MTF1: variants seen among roughly 807,000 people sequenced by gnomAD.
MTF1 encodes the protein MRE-binding transcription factor.
Under a neutral mutation model 70.4 loss-of-function variants are expected in MTF1, and 22 were observed. The ratio of observed to expected loss-of-function variants is 0.31; its 90% CI spans 0.22 to 0.45. The LOEUF (loss-of-function observed/expected upper bound fraction) is 0.45, where lower values mean the gene tolerates loss of function less well. MTF1 is among the 20% of genes least tolerant of loss of function. The pLI, the probability that MTF1 is intolerant of heterozygous loss-of-function variation, is 1.00. For synonymous variants in MTF1, 333 were observed against 352.8 expected (o/e 0.94, Z 0.63); for missense variants, 649 against 922.0 (o/e 0.70, Z 3.83).
At chr1:37,844,340 TTCTGAGTCCTTC>T (rs1641301425) in intron 2 of MTF1, among the ~76,000 whole-genome samples, 1 of 152,230 alleles carries the variant, frequency 6.6e-6, no homozygotes, top group African/African-American at 2.4e-5. Flanking sequence ...TTCTCCGCTT[TTCTGAGTCCTTC>T]TCTTCCTTTA....
rs768162494 is a variant in MTF1 at position 37,839,869 on chromosome 1, CACA to C, written c.647+48_647+50del. ...CTGCAAGGGGAAAGAGCTCTGCCAT[CACA>C]ACAAGGTCAAGGTCAGAGGCTGGCA... is the stretch of plus-strand genomic sequence containing the variant. On this transcript the variant is annotated intron_variant, in intron 3 of 10. Transcript: ENST00000373036. 5.5e-6 allele frequency: 8 copies of C among 1,457,696 alleles called. No individual in the cohort carries two copies. The East Asian group carries it at 6.8e-5, about 12-fold the overall frequency. 90.3% of individuals were successfully genotyped at this position (1,457,696 alleles called of 1,614,324 possible).
At chr1:37,822,962 T>G (rs1218468988) in intron 8 of MTF1, among the ~76,000 whole-genome samples, 3 of 152,238 alleles carry the variant, frequency 2.0e-5, no homozygotes. Context: ...AAAAAGTGTC[T>G]TAAGGCTTTT....
chr1:37,856,451 G>GTGTTAGGATTACAGGCATGAGCCAC (rs1329945532), intron 2 of MTF1, among the ~76,000 whole-genome samples: 2 of 143,224 alleles, frequency 1.4e-5, no homozygotes, highest in Non-Finnish European at 3.0e-5. Context: ...ATTACAGAAA[G>GTGTTAGGATTACAGGCATGAGCCAC]TGTTAGGATT....
intron 2 of MTF1, among the ~76,000 whole-genome samples, chr1:37,847,590 T>C (rs1378139597): frequency 1.3e-5 from 2 of 152,198 alleles, no homozygotes; most frequent in Non-Finnish European, 2.9e-5. Context: ...TAATTTTCAG[T>C]GGCCTGATAC....
chr1:37,853,705 G>C (rs2148422988), intron 2 of MTF1, among the ~76,000 whole-genome samples: 1 of 152,252 alleles, frequency 6.6e-6, no homozygotes, highest in East Asian at 1.9e-4. Flanking sequence ...TTTAAGACCA[G>C]CTCAAACGCC....
At chr1:37,823,565 A>G in intron 8 of MTF1, 145 bp downstream of exon 8, 2 of 534,064 alleles carry the variant, frequency 3.7e-6, no homozygotes, top group Non-Finnish European at 3.3e-6. Context: ...AGGGGAAAAG[A>G]TGGAATTAAA....
In MTF1 at chr1:37,822,108, A is replaced by G. The variant is rs1450994109; in HGVS notation, c.1767+13T>C. The G allele has an allele frequency of 6.4e-7, 1 of 1,570,850 alleles. No individual in the cohort carries two copies. The highest frequency in any genetic ancestry group is 8.7e-7 in the Non-Finnish European group (1 of 1,153,708). On this transcript the variant is annotated intron_variant, in intron 9 of 10. Coordinates refer to ENST00000373036, the MANE Select transcript of MTF1 (RefSeq NM_005955.3). ...ACTTCACCCCACTGGGTATATTCAT[A>G]CATAATACTTACAATTTGTTCTTGG...
intron 4 of MTF1, among the ~76,000 whole-genome samples, chr1:37,837,934 T>A (rs1181236483): frequency 1.3e-5 from 2 of 152,226 alleles, no homozygotes; most frequent in Non-Finnish European, 2.9e-5. Flanking sequence ...TTTGAATACC[T>A]GTTGAATGCC....
chr1:37,833,046 ATTATC>A (rs1641112433), intron 6 of MTF1, among the ~76,000 whole-genome samples: 1 of 151,972 alleles, frequency 6.6e-6, no homozygotes, highest in African/African-American at 2.4e-5. Context: ...GAGTTTTAAC[ATTATC>A]TTATGACTAA....
chr1:37,815,324 G>T lies in MTF1; in HGVS notation c.2074C>A (p.Pro692Thr). The T allele has an allele frequency of 6.2e-7, 1 of 1,614,130 alleles. No individual in the cohort carries two copies. Among genetic ancestry groups the T allele is most frequent in the South Asian group, 1.1e-5 (1 of 91,082 alleles). Reference protein sequence around the residue: ...PVPGSSSSTLPSSCEQSRQAE... With the variant: ...PVPGSSSSTLTSSCEQSRQAE... ...TGTCGGCTTTGCTCACAGGAGGAGG[G>T]CAAGGTAGAGGATGATGACCCGGGA... The change falls in exon 11 of 11, where the codon CCC becomes ACC. Residue 692 changes from proline (P) to threonine (T), a missense_variant. Physicochemically the swap from Pro to Thr is conservative, Grantham distance 38 (BLOSUM62 -1). Coordinates refer to ENST00000373036, the MANE Select transcript of MTF1 (RefSeq NM_005955.3). The surrounding 1 kb of genome is among the most constrained non-coding windows in gnomAD (Gnocchi z 4.5).
At chr1:37,826,295 C>G (rs547837549) in intron 7 of MTF1, among the ~76,000 whole-genome samples, 2 of 152,178 alleles carry the variant, frequency 1.3e-5, no homozygotes, top group Admixed American at 6.5e-5. Flanking sequence ...TCTTTTCCCC[C>G]CCTTTTTTTC....
At position 37,815,341 on chromosome 1, in the gene MTF1, G is replaced by A; in HGVS notation, c.2057C>T (p.Ser686Leu). The A allele has an allele frequency of 6.2e-7, 1 of 1,614,108 alleles. No homozygotes were observed. The highest frequency in any genetic ancestry group is 1.1e-5 in the South Asian group (1 of 91,082). ...GGAGGAGGGCAAGGTAGAGGATGAT[G>A]ACCCGGGAACAGGGGCTGAAGAGAA... ...QTFSSAPVPG[S>L]SSSTLPSSCE... The change falls in exon 11 of 11, where the codon TCA (serine) becomes TTA (leucine). Residue 686 changes from serine (S) to leucine (L), a missense_variant. Transcript: ENST00000373036. This position sits in a 1 kb window ranked among gnomAD's most constrained non-coding sequence, Gnocchi z 4.5.
At chr1:37,823,182 T>TCTTA (rs1307498773) in intron 8 of MTF1, among the ~76,000 whole-genome samples, 13 of 152,042 alleles carry the variant, frequency 8.6e-5, no homozygotes, top group African/African-American at 3.1e-4. Context: ...ACGCCTGTAG[T>TCTTA]CTTAGAACTT....
chr1:37,824,399 TA>T (rs1640969704), intron 7 of MTF1, among the ~76,000 whole-genome samples: 1 of 152,106 alleles, frequency 6.6e-6, no homozygotes, highest in African/African-American at 2.4e-5. Context: ...AATCTTACAT[TA>T]AAAAATGAGA....
intron 9 of MTF1, among the ~76,000 whole-genome samples, chr1:37,820,889 T>C (rs528462191): frequency 6.6e-6 from 1 of 151,954 alleles, no homozygotes; most frequent in African/African-American, 2.4e-5. Context: ...ATAATAATAA[T>C]AGGGGAGGGC....
chr1:37,855,554 C>CA (rs762810968), intron 2 of MTF1, among the ~76,000 whole-genome samples: 63 of 152,204 alleles, frequency 4.1e-4, no homozygotes, highest in Non-Finnish European at 6.6e-4. Flanking sequence ...TCAACCACAG[C>CA]AAAAAAGATA....
chr1:37,822,110 A>G lies in MTF1; in HGVS notation c.1767+11T>C, dbSNP rs79261080. 3,521 of 1,575,428 alleles carry G rather than the reference A, an allele frequency of 2.2e-3. 73 individuals carry two copies. In the African/African-American group the frequency reaches 0.041, roughly 18 times the overall value. On this transcript the variant is annotated intron_variant, in intron 9 of 10. Coordinates refer to ENST00000373036, the MANE Select transcript of MTF1 (RefSeq NM_005955.3). ...TTCACCCCACTGGGTATATTCATAC[A>G]TAATACTTACAATTTGTTCTTGGTT... is the stretch of plus-strand genomic sequence containing the variant.
intron 9 of MTF1, among the ~76,000 whole-genome samples, chr1:37,817,746 A>G (rs1640841624): frequency 6.6e-6 from 1 of 152,172 alleles, no homozygotes; most frequent in Non-Finnish European, 1.5e-5. Flanking sequence ...TCTGTATCCA[A>G]AGGCTCCTCC....
At chr1:37,826,295 C>T (rs547837549) in intron 7 of MTF1, among the ~76,000 whole-genome samples, 1 of 152,060 alleles carries the variant, frequency 6.6e-6, no homozygotes, top group Non-Finnish European at 1.5e-5. Context: ...TCTTTTCCCC[C>T]CCTTTTTTTC....
Sources: allele counts gnomAD v4.1 joint callset (sites outside exome capture counted in the v4.1 genomes callset), GRCh38; gene constraint gnomAD v4.1.1; non-coding constraint Gnocchi (gnomAD v3.1); transcripts MANE v1.5; gene names NCBI Gene and HGNC (gene_info 2026-07-23, HGNC 2026-07-21).